The following VAT1L variants were observed in gnomAD, a reference collection of about 807,000 sequenced individuals.
The protein encoded by VAT1L is putative NADPH-dependent quinone oxidoreductase VAT1L.
In VAT1L, 34 loss-of-function variants were observed where a neutral mutation model predicts 44.1. The observed-to-expected ratio is 0.77, with a 90% CI of 0.59 to 1.03. The LOEUF is 1.03. Among genes scored for constraint, VAT1L ranks in the 50% least tolerant of loss-of-function variants. The probability of loss-of-function intolerance (pLI) is 0.00; values close to 1 mark genes in which losing one functional copy is unlikely to be tolerated. For synonymous variants in VAT1L, 253 were observed against 202.2 expected (o/e 1.25, Z -2.13); for missense variants, 615 against 538.8 (o/e 1.14, Z -1.40).
At chr16:77,940,827 C>A (rs999551182) in intron 7 of VAT1L, among the ~76,000 whole-genome samples, 4 of 152,126 alleles carry the variant, frequency 2.6e-5, no homozygotes, top group African/African-American at 7.2e-5. Context: ...GGGGCTGGGA[C>A]ATGGAATAGC....
rs532088140 is a variant in VAT1L, at chr16:77,788,642, C to A, written c.-41C>A. Reference sequence around the variant, plus strand: ...CCCACTCCCCCAGCGCCGCAGCCACCGCAGCCACCGCAGCCCGTGCGCCCC... The same window carrying A: ...CCCACTCCCCCAGCGCCGCAGCCACAGCAGCCACCGCAGCCCGTGCGCCCC... On this transcript the variant is annotated 5_prime_UTR_variant, in exon 1 of 9. Transcript: ENST00000302536. The A allele has an allele frequency of 5.1e-5, 78 of 1,542,732 alleles. No individual in the cohort carries two copies. The highest frequency in any genetic ancestry group is 2.2e-4 in the Middle Eastern group (1 of 4,616).
chr16:77,797,738 G>A (rs529964938), intron 1 of VAT1L, among the ~76,000 whole-genome samples: 1 of 152,162 alleles, frequency 6.6e-6, no homozygotes, highest in East Asian at 1.9e-4. Flanking sequence ...TGACCTCCAA[G>A]CTCCTGGGAC....
chr16:77,814,403 G>T (rs1177334805), intron 1 of VAT1L, among the ~76,000 whole-genome samples: 1 of 152,166 alleles, frequency 6.6e-6, no homozygotes, highest in African/African-American at 2.4e-5. Flanking sequence ...GAGGAAACAG[G>T]GTGCTACAGG....
At chr16:77,956,413 C>T (rs2018104013) in intron 7 of VAT1L, among the ~76,000 whole-genome samples, 1 of 152,148 alleles carries the variant, frequency 6.6e-6, no homozygotes, top group Non-Finnish European at 1.5e-5. Context: ...TGGGTTGATG[C>T]AATGAAATGA....
At chr16:77,841,998 C>T in intron 3 of VAT1L, among the ~76,000 whole-genome samples, 1 of 152,146 alleles carries the variant, frequency 6.6e-6, no homozygotes. Flanking sequence ...CGCCATTCTC[C>T]TGCCTCAGCC....
At chr16:77,898,486 T>C (rs550001161) in intron 7 of VAT1L, among the ~76,000 whole-genome samples, 29 of 152,362 alleles carry the variant, frequency 1.9e-4, no homozygotes, top group East Asian at 3.9e-4. Flanking sequence ...CCTCCAGTTA[T>C]AGCTGTGATT....
chr16:77,846,070 G>A (rs1488934483), intron 3 of VAT1L, among the ~76,000 whole-genome samples: 1 of 152,150 alleles, frequency 6.6e-6, no homozygotes, highest in Non-Finnish European at 1.5e-5. Context: ...GGGATGGAGT[G>A]GGTGCTTGGC....
At chr16:77,795,359 A>G (rs2015910673) in intron 1 of VAT1L, among the ~76,000 whole-genome samples, 1 of 152,204 alleles carries the variant, frequency 6.6e-6, no homozygotes, top group South Asian at 2.1e-4. Context: ...AGTAGAAATA[A>G]TTTCAGAAAA....
At chr16:77,885,948 T>C (rs536460723) in intron 7 of VAT1L, among the ~76,000 whole-genome samples, 88 of 152,336 alleles carry the variant, frequency 5.8e-4, no homozygotes, top group African/African-American at 2.1e-3. Flanking sequence ...TGCAGTGTCA[T>C]GGATGGGCTT....
intron 7 of VAT1L, among the ~76,000 whole-genome samples, chr16:77,922,250 C>T (rs2017620075): frequency 1.3e-5 from 2 of 152,060 alleles, no homozygotes; most frequent in Non-Finnish European, 2.9e-5. Context: ...TGTACAAATG[C>T]ATGTACAACA....
chr16:77,797,312 T>C (rs1162210640), intron 1 of VAT1L, among the ~76,000 whole-genome samples: 10 of 152,076 alleles, frequency 6.6e-5, no homozygotes, highest in African/African-American at 2.4e-4. Flanking sequence ...GATTTCACCA[T>C]GTTGGCCAGG....
chr16:77,891,999 G>C (rs1463872503), intron 7 of VAT1L, among the ~76,000 whole-genome samples: 1 of 152,174 alleles, frequency 6.6e-6, no homozygotes, highest in Non-Finnish European at 1.5e-5. Flanking sequence ...TTGAACCCGG[G>C]AGGCGGAGGT....
chr16:77,899,987 C>A (rs941431905), intron 7 of VAT1L, among the ~76,000 whole-genome samples: 1 of 152,166 alleles, frequency 6.6e-6, no homozygotes, highest in Admixed American at 6.5e-5. Flanking sequence ...TGTTTACTTC[C>A]CAAGCTACAC....
At chr16:77,976,477 G>A (rs538551416) in intron 8 of VAT1L, among the ~76,000 whole-genome samples, 104 of 152,254 alleles carry the variant, frequency 6.8e-4, no homozygotes, top group African/African-American at 2.5e-3. Flanking sequence ...CCAGCTTCAG[G>A]TGAGACAACA....
At chr16:77,878,208 T>C (rs989841591) in intron 5 of VAT1L, among the ~76,000 whole-genome samples, 16 of 152,344 alleles carry the variant, frequency 1.1e-4, no homozygotes, top group African/African-American at 3.8e-4. Flanking sequence ...ACTATTATGC[T>C]GGTGTAAGGG....
At position 77,810,553 on chromosome 16, in the gene VAT1L, C is replaced by A. The variant is rs573820772; in HGVS notation, c.234-6368C>A. ...GGTGGCCCAGCACTTCCCACACTTC[C>A]CAGCACTTTGGGAAGCCAAAGTGGG... On this transcript the variant is annotated intron_variant, in intron 1 of 8. Coordinates refer to ENST00000302536, the MANE Select transcript of VAT1L (RefSeq NM_020927.3). Among the ~76,000 whole-genome samples the A allele has an allele frequency of 5.0e-4, 76 of 152,214 alleles. No individual in the cohort carries two copies. The South Asian group carries it at 6.0e-3, about 12-fold the overall frequency.
chr16:77,936,253 T>A (rs1422079818), intron 7 of VAT1L, among the ~76,000 whole-genome samples: 2 of 152,204 alleles, frequency 1.3e-5, no homozygotes, highest in Non-Finnish European at 2.9e-5. Flanking sequence ...TTGTCCATCT[T>A]CAGCTATATT....
chr16:77,855,795 G>A (rs1302182836), intron 3 of VAT1L, among the ~76,000 whole-genome samples: 2 of 152,046 alleles, frequency 1.3e-5, no homozygotes, highest in Non-Finnish European at 2.9e-5. Flanking sequence ...CAAGGCGGGC[G>A]GATCACGAGG....
At chr16:77,934,524 G>T (rs997405432) in intron 7 of VAT1L, among the ~76,000 whole-genome samples, 3 of 152,154 alleles carry the variant, frequency 2.0e-5, no homozygotes, top group African/African-American at 7.2e-5. Flanking sequence ...CTGACACCTT[G>T]ATTTTAGGCC....
Sources: gnomAD v4.1 joint callset for allele counts (sites outside exome capture counted in the v4.1 genomes callset) on GRCh38, gnomAD v4.1.1 for gene constraint, MANE v1.5 for transcripts, NCBI Gene and HGNC (gene_info 2026-07-23, HGNC 2026-07-21) for gene names.